SOX5: variants seen among roughly 807,000 people sequenced by gnomAD.
SOX5 encodes the protein transcription factor SOX-5.
Under a neutral mutation model 92.0 loss-of-function variants are expected in SOX5, and 9 were observed. That is an observed-to-expected ratio of 0.10 (90% CI 0.06 to 0.17). SOX5 has a LOEUF of 0.17. Ranked by LOEUF, SOX5 falls within the 10% of genes least tolerant of loss-of-function variation. SOX5 has a pLI of 1.00. For missense variants in SOX5, 642 were observed against 944.5 expected (o/e 0.68, Z 4.20); for synonymous variants, 344 against 336.3 (o/e 1.02, Z -0.25).
At chr12:24,248,897 C>A (rs553573038) in intron 3 of SOX5, among the ~76,000 whole-genome samples, 1 of 152,242 alleles carries the variant, frequency 6.6e-6, no homozygotes, top group East Asian at 1.9e-4. Context: ...AGGAGAAGAT[C>A]TTGCCGTTCA....
chr12:24,372,382 T>C (rs955414305), intron 1 of SOX5, among the ~76,000 whole-genome samples: 6 of 152,152 alleles, frequency 3.9e-5, no homozygotes, highest in Non-Finnish European at 5.9e-5. Flanking sequence ...GAACATGCAG[T>C]GGTTGGCTTT....
intron 2 of SOX5, among the ~76,000 whole-genome samples, chr12:23,876,599 ACCATTTGAT>A (rs1214088111): frequency 5.3e-5 from 8 of 152,294 alleles, no homozygotes; most frequent in Non-Finnish European, 8.8e-5. Context: ...AACCAGAAAT[ACCATTTGAT>A]CCATTTGATC....
chr12:24,197,498 C>T (rs1489745068), intron 4 of SOX5, among the ~76,000 whole-genome samples: 1 of 152,156 alleles, frequency 6.6e-6, no homozygotes, highest in Non-Finnish European at 1.5e-5. Flanking sequence ...TAACTGGCTA[C>T]CCAATACCCC....
intron 2 of SOX5, among the ~76,000 whole-genome samples, chr12:23,887,662 C>T (rs1288892412): frequency 6.6e-6 from 1 of 152,102 alleles, no homozygotes; most frequent in South Asian, 2.1e-4. Context: ...GGAAAGGAAA[C>T]ATTTGAAACT....
At chr12:23,942,267 G>A (rs963324480) in intron 1 of SOX5, among the ~76,000 whole-genome samples, 1 of 151,608 alleles carries the variant, frequency 6.6e-6, no homozygotes, top group Non-Finnish European at 1.5e-5. Flanking sequence ...ATATAAAATA[G>A]CTTAAAATGG....
chr12:23,862,012 TC>T (rs758525309), intron 2 of SOX5, among the ~76,000 whole-genome samples: 140 of 152,316 alleles, frequency 9.2e-4, no homozygotes, highest in Admixed American at 2.0e-3. Flanking sequence ...TTATTTCCCT[TC>T]TATTCCCTTG....
intron 4 of SOX5, among the ~76,000 whole-genome samples, chr12:24,139,148 T>C (rs1565513310): frequency 6.6e-6 from 1 of 152,238 alleles, no homozygotes; most frequent in African/African-American, 2.4e-5. Flanking sequence ...CATGTTATTA[T>C]ACACTGACAC....
chr12:23,686,428 C>G (rs2087600805), intron 6 of SOX5, among the ~76,000 whole-genome samples: 1 of 152,122 alleles, frequency 6.6e-6, no homozygotes, highest in Non-Finnish European at 1.5e-5. Context: ...AACAGCTTCT[C>G]CCAGAATACA....
rs10627494 is a variant in SOX5 at position 24,331,848 on chromosome 12, C to CAAAAA, written c.-174+36710_-174+36714dup. Among the ~76,000 whole-genome samples, 97 of 31,668 alleles carry CAAAAA rather than the reference C, an allele frequency of 3.1e-3. 9 individuals carry two copies. Among genetic ancestry groups the CAAAAA allele is most frequent in the African/African-American group, 0.012 (86 of 6,882 alleles). The allele number at this position is 31,668 out of a possible 152,430, so 20.8% of individuals were successfully genotyped here. A position where few individuals can be genotyped will look rare whatever the true frequency, so the allele number is the denominator to read the frequency against. ...GCCTGGGAACAGAGCAAGACTGTCT[C>CAAAAA]AAAAAAAAAAAAAAAAAAAAAAAAA... On this transcript the variant is annotated intron_variant, in intron 2 of 4. Transcript: ENST00000446891.
intron 1 of SOX5, among the ~76,000 whole-genome samples, chr12:24,384,776 C>T (rs1958206506): frequency 6.6e-6 from 1 of 152,084 alleles, no homozygotes; most frequent in Non-Finnish European, 1.5e-5. Flanking sequence ...GAATGTGTTG[C>T]CCCTCAAAGT....
intron 1 of SOX5, among the ~76,000 whole-genome samples, chr12:23,940,745 T>TACACACATAC (rs1943472634): frequency 7.2e-6 from 1 of 139,668 alleles, no homozygotes; most frequent in African/African-American, 2.7e-5. Context: ...AGATAAGTAT[T>TACACACATAC]ACACACACAC....
chr12:23,705,881 A>T (rs2091321116), intron 6 of SOX5, among the ~76,000 whole-genome samples: 1 of 152,068 alleles, frequency 6.6e-6, no homozygotes, highest in African/African-American at 2.4e-5. Context: ...TCTCTCCACT[A>T]ACAATCCCAC....
At chr12:23,666,938 T>C (rs985374988) in intron 6 of SOX5, among the ~76,000 whole-genome samples, 13 of 152,186 alleles carry the variant, frequency 8.5e-5, no homozygotes, top group African/African-American at 3.1e-4. Flanking sequence ...CTTACGATTC[T>C]TACAGTTCTC....
chr12:24,266,403 C>T (rs1943027452), intron 3 of SOX5, among the ~76,000 whole-genome samples: 2 of 152,036 alleles, frequency 1.3e-5, no homozygotes, highest in South Asian at 4.2e-4. Flanking sequence ...TTTTAATGTG[C>T]ACTGTGTGAA....
chr12:24,392,842 T>C (rs1006086592), intron 1 of SOX5, among the ~76,000 whole-genome samples: 13 of 152,038 alleles, frequency 8.6e-5, no homozygotes, highest in South Asian at 2.1e-4. Flanking sequence ...CTATAACTTA[T>C]AATAATACAT....
At chr12:24,226,629 C>A (rs1288285325) in intron 3 of SOX5, among the ~76,000 whole-genome samples, 1 of 152,072 alleles carries the variant, frequency 6.6e-6, no homozygotes, top group African/African-American at 2.4e-5. Context: ...CGCCACCACG[C>A]CCAGCTAATT....
intron 3 of SOX5, among the ~76,000 whole-genome samples, chr12:23,774,398 TAA>T (rs1035457030): frequency 6.6e-6 from 1 of 152,226 alleles, no homozygotes; most frequent in African/African-American, 2.4e-5. Flanking sequence ...ATTTATCTAA[TAA>T]GTTTCATTCA....
chr12:24,122,559 G>A (rs1220204254), intron 4 of SOX5, among the ~76,000 whole-genome samples: 2 of 152,166 alleles, frequency 1.3e-5, no homozygotes, highest in African/African-American at 4.8e-5. Context: ...ATTTTGTCAA[G>A]AAGACAGAAG....
chr12:24,435,333 C>T (rs1233669088), intron 1 of SOX5, among the ~76,000 whole-genome samples: 4 of 152,196 alleles, frequency 2.6e-5, no homozygotes, highest in African/African-American at 9.7e-5. Flanking sequence ...TAGTGTCACT[C>T]TCTACACTTC....
Sources: allele counts gnomAD v4.1 joint callset (sites outside exome capture counted in the v4.1 genomes callset), GRCh38; gene constraint gnomAD v4.1.1; transcripts MANE v1.5; gene names NCBI Gene and HGNC (gene_info 2026-07-23, HGNC 2026-07-21).